The following GCNT2 variants were observed in gnomAD, a reference collection of about 807,000 sequenced individuals.
The protein encoded by GCNT2 is glucosaminyl (N-acetyl) transferase 2 (I blood group), also known as N-acetyllactosaminide beta-1,6-N-acetylglucosaminyl-transferase.
Under a neutral mutation model 34.2 loss-of-function variants are expected in GCNT2, and 34 were observed. The observed-to-expected ratio is 1.00, with a 90% CI of 0.76 to 1.32. The LOEUF (loss-of-function observed/expected upper bound fraction) is 1.32. Ranked by LOEUF, GCNT2 falls within the 40% of genes most tolerant of loss-of-function variation. The pLI, the probability that GCNT2 is intolerant of heterozygous loss-of-function variation, is 0.00. For missense variants in GCNT2, 584 were observed against 489.4 expected (o/e 1.19, Z -1.82); for synonymous variants, 212 against 188.0 (o/e 1.13, Z -1.04).
chr6:10,529,218 A>T lies in GCNT2; in HGVS notation c.307A>T (p.Ile103Phe). The part of the protein sequence containing the change: ...AGFPLAYTVT[I>F]HKDFGTFERL... ...GTTCCCTTTAGCTTACACAGTGACC[A>T]TCCACAAAGACTTCGGCACTTTTGA... The change falls in exon 3 of 5, where the codon ATC (isoleucine) becomes TTC (phenylalanine). Residue 103 changes from isoleucine to phenylalanine, a missense_variant. Coordinates refer to ENST00000495262, the MANE Select transcript of GCNT2 (RefSeq NM_145649.5). The T allele has an allele frequency of 6.2e-7, 1 of 1,614,226 alleles. No homozygotes were observed. Among genetic ancestry groups the T allele is most frequent in the Non-Finnish European group, 8.5e-7 (1 of 1,180,036 alleles).
At chr6:10,612,399 G>A (rs1765597880) in intron 3 of GCNT2, among the ~76,000 whole-genome samples, 2 of 152,108 alleles carry the variant, frequency 1.3e-5, no homozygotes, top group South Asian at 4.1e-4. Context: ...CTGTGGTTGG[G>A]GACCTGCTAC....
chr6:10,534,372 G>C (rs907237501), intron 3 of GCNT2, among the ~76,000 whole-genome samples: 4 of 151,844 alleles, frequency 2.6e-5, no homozygotes, highest in African/African-American at 9.7e-5. Context: ...CTGACCTCAG[G>C]TGATCCACCT....
intron 3 of GCNT2, among the ~76,000 whole-genome samples, chr6:10,543,712 A>G (rs574684140): frequency 9.2e-5 from 14 of 152,284 alleles, no homozygotes; most frequent in African/African-American, 3.1e-4. Context: ...GTTGGGCATC[A>G]TGTACTTGTT....
chr6:10,555,837 G>A, intron 3 of GCNT2: 1 of 985,398 alleles, frequency 1.0e-6, no homozygotes, highest in Non-Finnish European at 1.2e-6. Flanking sequence ...GAAACAGCAC[G>A]TTGGAAAACA....
chr6:10,527,492 A>T lies in GCNT2; in HGVS notation c.-450A>T, dbSNP rs1312815297. On this transcript the variant is annotated 5_prime_UTR_variant, in exon 2 of 5. Coordinates refer to ENST00000495262, the MANE Select transcript of GCNT2 (RefSeq NM_145649.5). ...CATACAGACAATGCTAGGAGCCAGA[A>T]ACATGAGGAATACATGAGCTCGGCG... The T allele has an allele frequency of 6.6e-6, 1 of 152,220 alleles. No individual in the cohort carries two copies. Among genetic ancestry groups the T allele is most frequent in the Non-Finnish European group, 1.5e-5 (1 of 68,044 alleles). 9.4% of individuals were successfully genotyped at this position (152,220 alleles called of 1,614,324 possible).
intron 3 of GCNT2, among the ~76,000 whole-genome samples, chr6:10,569,943 TCCTTCTTC>T (rs1356004359): frequency 5.5e-5 from 5 of 90,568 alleles, no homozygotes; most frequent in Admixed American, 2.5e-4. Flanking sequence ...CTTCCTTCCT[TCCTTCTTC>T]CTTCCTTCCT....
At chr6:10,579,900 A>G (rs1675427) in intron 3 of GCNT2, among the ~76,000 whole-genome samples, 2,542 of 151,974 alleles carry the variant, frequency 0.017, 60 homozygotes, top group African/African-American at 0.056. Context: ...CCTTACACCA[A>G]ATGATCTCAC....
chr6:10,566,070 T>G (rs1282306049), intron 3 of GCNT2, among the ~76,000 whole-genome samples: 2 of 152,144 alleles, frequency 1.3e-5, no homozygotes. Flanking sequence ...CCCAGATAAC[T>G]TGCGGATCCC....
chr6:10,524,267 T>A (rs1428263080), intron 1 of GCNT2, among the ~76,000 whole-genome samples: 1 of 151,332 alleles, frequency 6.6e-6, no homozygotes, highest in Non-Finnish European at 1.5e-5. Context: ...TTTTTTTTTT[T>A]TAGACGGAGT....
intron 4 of GCNT2, chr6:10,621,659 G>A (rs749725836): frequency 9.7e-5 from 52 of 536,606 alleles, no homozygotes; most frequent in Middle Eastern, 5.2e-4. Flanking sequence ...TAGGGAGATG[G>A]AAAAATGGGT....
At chr6:10,544,282 C>T (rs1385223283) in intron 3 of GCNT2, among the ~76,000 whole-genome samples, 1 of 151,372 alleles carries the variant, frequency 6.6e-6, no homozygotes, top group African/African-American at 2.4e-5. Flanking sequence ...TCACTGCATT[C>T]CAGCCTGGGC....
intron 3 of GCNT2, chr6:10,581,920 C>G (rs1399253512): frequency 1.0e-6 from 1 of 962,450 alleles, no homozygotes; most frequent in Non-Finnish European, 1.2e-6. Context: ...TTCATACAGT[C>G]ACATTTCTAG....
Position 10,569,271 on chromosome 6 carries a change from ACACC to A in GCNT2, c.925+39437_925+39440del, listed in dbSNP as rs1484134665. ...CACACACACACACACACACACACAC[ACACC>A]CCCTAGGTAATTTTGCCAAATCCTG... On this transcript the variant is annotated intron_variant, in intron 3 of 4. Coordinates refer to ENST00000495262, the MANE Select transcript of GCNT2 (RefSeq NM_145649.5). Among the ~76,000 whole-genome samples the A allele has an allele frequency of 5.2e-3, 734 of 142,466 alleles. 20 individuals carry two copies. The highest frequency in any genetic ancestry group is 0.014 in the African/African-American group (528 of 37,552). The allele number at this position is 142,466 out of a possible 152,430, so 93.5% of individuals were successfully genotyped here.
chr6:10,530,916 T>G (rs768630271), intron 3 of GCNT2, among the ~76,000 whole-genome samples: 4 of 151,732 alleles, frequency 2.6e-5, no homozygotes, highest in Non-Finnish European at 4.4e-5. Context: ...TAGCCAGGCG[T>G]GGTGGCGCAT....
At chr6:10,585,533 A>G (rs1764304761) in intron 3 of GCNT2, among the ~76,000 whole-genome samples, 1 of 152,184 alleles carries the variant, frequency 6.6e-6, no homozygotes, top group Admixed American at 6.5e-5. Context: ...TGATTCTAGA[A>G]GGCTTGGAGA....
At chr6:10,555,980 G>A in intron 3 of GCNT2, 1 of 1,067,722 alleles carries the variant, frequency 9.4e-7, no homozygotes, top group Non-Finnish European at 1.1e-6. Context: ...ACGCCTGCCA[G>A]AGCTCATCAC....
At chr6:10,600,233 AG>A (rs1765035668) in intron 3 of GCNT2, among the ~76,000 whole-genome samples, 1 of 152,250 alleles carries the variant, frequency 6.6e-6, no homozygotes, top group African/African-American at 2.4e-5. Flanking sequence ...TTTCAATGAC[AG>A]GATTCTTAAA....
chr6:10,561,911 G>A (rs946294478), intron 3 of GCNT2, among the ~76,000 whole-genome samples: 14 of 149,828 alleles, frequency 9.3e-5, no homozygotes, highest in African/African-American at 3.0e-4. Flanking sequence ...TAAAAATATC[G>A]TGTTTCCTAC....
intron 3 of GCNT2, among the ~76,000 whole-genome samples, chr6:10,585,032 A>AGTGTGTGTGT (rs57538079): frequency 3.5e-4 from 45 of 127,530 alleles, no homozygotes; most frequent in African/African-American, 6.0e-4. Context: ...TCCCATAGTC[A>AGTGTGTGTGT]GTGTGTGTGT....
Sources: allele counts gnomAD v4.1 joint callset (sites outside exome capture counted in the v4.1 genomes callset), GRCh38; gene constraint gnomAD v4.1.1; transcripts MANE v1.5; gene names NCBI Gene and HGNC (gene_info 2026-07-23, HGNC 2026-07-21).